The following C17orf75 variants were observed in gnomAD, a reference collection of about 807,000 sequenced individuals.
C17orf75 encodes the protein protein Njmu-R1.
Under a neutral mutation model 49.6 loss-of-function variants are expected in C17orf75, and 32 were observed. That is an observed-to-expected ratio of 0.65 (90% CI 0.49 to 0.87). The LOEUF (loss-of-function observed/expected upper bound fraction) is 0.87, where lower values mean the gene tolerates loss of function less well. C17orf75 is among the 40% of genes least tolerant of loss of function. C17orf75 has a pLI of 0.00. For missense variants in C17orf75, 428 were observed against 473.9 expected, an observed-to-expected ratio of 0.90 and a Z score of 0.90; for synonymous variants, 158 against 159.5, an observed-to-expected ratio of 0.99 and a Z score of 0.07.
rs771290988 is a variant in C17orf75, at chr17:32,337,947, G to A, written c.499C>T (p.Leu167Phe). 6.2e-7 allele frequency: 1 copy of A among 1,602,400 alleles called. No homozygotes were observed. The highest frequency in any genetic ancestry group is 1.3e-5 in the African/African-American group (1 of 74,958). Residue 167 changes from leucine to phenylalanine, a missense_variant, in exon 5 of 10, where the codon CTT becomes TTT. Physicochemically the swap from Leu to Phe is conservative, Grantham distance 22. Transcript: ENST00000577809. The part of the protein sequence containing the change: ...GSEKGLELFR[L>F]ELDKYIQGLK... ...CCTTGAATGTACTTGTCCAATTCAAGCCTGAAAGTATGTTCTTAAGGAAGC... is the reference window on the plus strand; with the variant it reads ...CCTTGAATGTACTTGTCCAATTCAAACCTGAAAGTATGTTCTTAAGGAAGC...
chr17:32,347,056 T>C (rs1366102777), upstream of C17orf75, among the ~76,000 whole-genome samples: 1 of 151,880 alleles, frequency 6.6e-6, no homozygotes, highest in African/African-American at 2.4e-5. Context: ...GGTTCAAGCC[T>C]CAGCCTGGGT....
chr17:32,333,621 G>A (rs1567801985), intron 8 of C17orf75, 101 bp from the exon 9 acceptor site: 1 of 1,038,856 alleles, frequency 9.6e-7, no homozygotes, highest in South Asian at 1.5e-5. Flanking sequence ...CCCGGCTGGA[G>A]TGCAGCCGGA....
At chr17:32,345,695 T>C (rs1597741075), upstream of C17orf75, among the ~76,000 whole-genome samples, 1 of 151,742 alleles carries the variant, frequency 6.6e-6, no homozygotes. Context: ...GCGGGCGTGG[T>C]GGCGCATGCC....
At position 32,337,842 on chromosome 17, in the gene C17orf75, C is replaced by T. The variant is rs748130907; in HGVS notation, c.549+55G>A. The T allele has an allele frequency of 3.3e-6, 5 of 1,495,898 alleles. No individual in the cohort carries two copies. The African/African-American group carries it at 5.5e-5, about 16-fold the overall frequency. 92.7% of individuals were successfully genotyped at this position (1,495,898 alleles called of 1,614,324 possible). On this transcript the variant is annotated intron_variant, in intron 5 of 9. Transcript: ENST00000577809. ...AAAGTGCTGGGATTACAGGCGTGAG[C>T]CACTGAGCCTGGCCCCATTTCAGTC... is the stretch of plus-strand genomic sequence containing the variant.
At chr17:32,345,538 A>G (rs151082423), upstream of C17orf75, among the ~76,000 whole-genome samples, 1 of 143,986 alleles carries the variant, frequency 6.9e-6, no homozygotes, top group East Asian at 2.2e-4. Context: ...CTAGGTTGAA[A>G]AGAATTCCCC....
upstream of C17orf75, among the ~76,000 whole-genome samples, chr17:32,342,854 G>C (rs1183488739): frequency 6.6e-6 from 1 of 152,130 alleles, no homozygotes; most frequent in East Asian, 1.9e-4. Flanking sequence ...CCATTACCCA[G>C]TTCTAACACC....
chr17:32,346,582 GT>G (rs937150232), upstream of C17orf75, among the ~76,000 whole-genome samples: 4 of 147,216 alleles, frequency 2.7e-5, no homozygotes, highest in African/African-American at 5.0e-5. Flanking sequence ...ATTTTTTTTT[GT>G]TTTTTTTTGA....
intron 8 of C17orf75, 56 bp downstream of exon 8, chr17:32,334,413 C>T: frequency 6.4e-7 from 1 of 1,563,596 alleles, no homozygotes; most frequent in African/African-American, 1.4e-5. Flanking sequence ...GCTCTCAGTG[C>T]AAAGATGGGG....
chr17:32,349,932 C>G (rs1288205210), intron 1 of C17orf75: 1 of 1,116,034 alleles, frequency 9.0e-7, no homozygotes, highest in African/African-American at 1.6e-5. Flanking sequence ...TCGCATGCCC[C>G]TTAGCGTACC....
chr17:32,334,867 G>C, intron 6 of C17orf75, 28 bp from the exon 7 acceptor site: 1 of 1,567,046 alleles, frequency 6.4e-7, no homozygotes, highest in East Asian at 2.2e-5. Context: ...AGCCTGATTG[G>C]TACATATATT....
chr17:32,335,110 T>C (rs1243203621), intron 6 of C17orf75, among the ~76,000 whole-genome samples: 3 of 152,262 alleles, frequency 2.0e-5, no homozygotes, highest in African/African-American at 7.2e-5. Flanking sequence ...AAATGTTTTA[T>C]CCTATTAGGA....
upstream of C17orf75, chr17:32,342,188 C>T (rs763175822): frequency 4.1e-6 from 6 of 1,479,024 alleles, no homozygotes; most frequent in African/African-American, 5.7e-5. Flanking sequence ...CGCTCCCCTG[C>T]TCCCGTGCAG....
At chr17:32,337,996 A>T (rs1478683551) in intron 4 of C17orf75, 42 bp from the exon 5 acceptor site, 1 of 1,551,058 alleles carries the variant, frequency 6.4e-7, no homozygotes, top group African/African-American at 1.4e-5. Flanking sequence ...TAATGAAGAC[A>T]GTATTTCATC....
At chr17:32,345,092 T>C (rs1432572061), upstream of C17orf75, among the ~76,000 whole-genome samples, 2 of 152,154 alleles carry the variant, frequency 1.3e-5, no homozygotes, top group Non-Finnish European at 2.9e-5. Context: ...AGAAAGGGTA[T>C]ATATAAAATA....
At chr17:32,344,409 A>T (rs1010049470), upstream of C17orf75, among the ~76,000 whole-genome samples, 2 of 151,974 alleles carry the variant, frequency 1.3e-5, no homozygotes, top group African/African-American at 4.8e-5. Flanking sequence ...CAAGGTCAGG[A>T]GATCGAGACC....
At chr17:32,340,970 A>AT in intron 2 of C17orf75, 1 of 538,534 alleles carries the variant, frequency 1.9e-6, no homozygotes. Context: ...AGAAAAAAAA[A>AT]GGATTTCTTT....
intron 2 of C17orf75, 129 bp downstream of exon 2, chr17:32,341,075 G>A (rs2150778896): frequency 3.1e-6 from 3 of 956,006 alleles, no homozygotes; most frequent in Non-Finnish European, 4.9e-6. Flanking sequence ...AGGTTCCTAG[G>A]GGATAGGAGG....
chr17:32,338,924 C>G (rs2041352509), intron 3 of C17orf75, among the ~76,000 whole-genome samples: 1 of 152,128 alleles, frequency 6.6e-6, no homozygotes. Flanking sequence ...AACCCCATCT[C>G]TACTAAAAAT....
At chr17:32,345,461 G>GT (rs1467634989), upstream of C17orf75, among the ~76,000 whole-genome samples, 1 of 152,090 alleles carries the variant, frequency 6.6e-6, no homozygotes, top group African/African-American at 2.4e-5. Flanking sequence ...GGGCAACAGA[G>GT]TAAGACTCCA....
Sources: gnomAD v4.1 joint callset for allele counts (sites outside exome capture counted in the v4.1 genomes callset) on GRCh38, gnomAD v4.1.1 for gene constraint, MANE v1.5 for transcripts, NCBI Gene and HGNC (gene_info 2026-07-23, HGNC 2026-07-21) for gene names.